Variants in TSPAN18 observed in about 807,000 individuals in gnomAD.
TSPAN18 encodes tetraspanin 18.
A neutral mutation model predicts 27.3 loss-of-function variants in TSPAN18; 14 were observed. The observed-to-expected ratio is 0.51, with a 90% CI of 0.34 to 0.80. The LOEUF (loss-of-function observed/expected upper bound fraction) is 0.80, where lower values mean the gene tolerates loss of function less well. Ranked by LOEUF, TSPAN18 falls within the 30% of genes least tolerant of loss-of-function variation. The pLI is 0.01. For missense variants in TSPAN18, 268 were observed against 323.9 expected (o/e 0.83, Z 1.32); for synonymous variants, 143 against 136.5 (o/e 1.05, Z -0.33).
intron 2 of TSPAN18, among the ~76,000 whole-genome samples, chr11:44,794,394 A>T (rs835847): frequency 6.6e-6 from 1 of 152,152 alleles, no homozygotes; most frequent in African/African-American, 2.4e-5. Context: ...CTGGCCGGGC[A>T]TGGTAGCTCA....
In TSPAN18 at chr11:44,932,421, G is replaced by A. The variant is rs1860624511; in HGVS notation, c.*3243G>A. 6.6e-6 allele frequency: 1 copy of A among 152,328 alleles called. No homozygotes were observed. The highest frequency in any genetic ancestry group is 1.5e-5 in the Non-Finnish European group (1 of 68,098). 9.4% of individuals were successfully genotyped at this position (152,328 alleles called of 1,614,324 possible). A position where few individuals can be genotyped will look rare whatever the true frequency, so the allele number is the denominator to read the frequency against. On this transcript the variant is annotated 3_prime_UTR_variant, in exon 10 of 10. Transcript: ENST00000520358. Reference sequence around the variant, plus strand: ...GGAACAAAGAATAAATAGTGACCGTGAAGAAAGGTGGTCTTGATTTGGGGT... The same window carrying A: ...GGAACAAAGAATAAATAGTGACCGTAAAGAAAGGTGGTCTTGATTTGGGGT...
chr11:44,858,811 T>C (rs1457642141), intron 2 of TSPAN18, among the ~76,000 whole-genome samples: 1 of 152,152 alleles, frequency 6.6e-6, no homozygotes, highest in African/African-American at 2.4e-5. Context: ...GCAGGAACCA[T>C]GGGCGACCCT....
chr11:44,917,043 A>G (rs1209445031), intron 5 of TSPAN18, among the ~76,000 whole-genome samples: 3 of 152,168 alleles, frequency 2.0e-5, no homozygotes, highest in Non-Finnish European at 4.4e-5. Flanking sequence ...TCATTCATCC[A>G]TGTAAGAGTC....
chr11:44,732,462 C>T (rs1854686360), intron 1 of TSPAN18, among the ~76,000 whole-genome samples: 1 of 152,146 alleles, frequency 6.6e-6, no homozygotes, highest in Non-Finnish European at 1.5e-5. Flanking sequence ...TGCTAAACCA[C>T]TGTGTTATAT....
intron 1 of TSPAN18, among the ~76,000 whole-genome samples, chr11:44,744,757 C>T (rs2134834604): frequency 6.6e-6 from 1 of 152,158 alleles, no homozygotes; most frequent in Admixed American, 6.5e-5. Context: ...TTATAGTCAC[C>T]CTGGGTATGA....
intron 2 of TSPAN18, among the ~76,000 whole-genome samples, chr11:44,821,384 A>G (rs1856925379): frequency 6.6e-6 from 1 of 152,198 alleles, no homozygotes. Context: ...GATTATTGAG[A>G]GTGGTTGACT....
At chr11:44,885,490 C>G (rs1322578222) in intron 3 of TSPAN18, among the ~76,000 whole-genome samples, 1 of 152,066 alleles carries the variant, frequency 6.6e-6, no homozygotes, top group African/African-American at 2.4e-5. Flanking sequence ...AGCTGGTGAC[C>G]GGTCCTCTGT....
intron 2 of TSPAN18, among the ~76,000 whole-genome samples, chr11:44,811,871 C>A (rs55752312): frequency 0.17 from 26,592 of 152,224 alleles, 3,157 homozygotes; most frequent in Non-Finnish European, 0.26. Flanking sequence ...CTGACAAGTT[C>A]CTTAATGAAG....
chr11:44,869,420 C>G (rs555818021), intron 3 of TSPAN18, among the ~76,000 whole-genome samples: 1 of 152,158 alleles, frequency 6.6e-6, no homozygotes, highest in Non-Finnish European at 1.5e-5. Context: ...GGTAAATACC[C>G]ACTTCTCACT....
At chr11:44,765,361 G>T (rs566062549) in intron 2 of TSPAN18, among the ~76,000 whole-genome samples, 2 of 152,208 alleles carry the variant, frequency 1.3e-5, no homozygotes, top group Non-Finnish European at 2.9e-5. Context: ...ACTCCGAGGA[G>T]ATCTGATTGC....
At chr11:44,891,247 G>A (rs905665385) in intron 3 of TSPAN18, among the ~76,000 whole-genome samples, 1 of 152,140 alleles carries the variant, frequency 6.6e-6, no homozygotes, top group Non-Finnish European at 1.5e-5. Flanking sequence ...ATTTAGGTGG[G>A]GTCCAGAGGC....
At chr11:44,901,944 T>A (rs767101852) in intron 3 of TSPAN18, among the ~76,000 whole-genome samples, 2 of 152,228 alleles carry the variant, frequency 1.3e-5, no homozygotes, top group Admixed American at 6.5e-5. Flanking sequence ...GGAGTTGGCA[T>A]GTGACTGGCC....
chr11:44,859,574 A>C (rs1857823211), intron 2 of TSPAN18: 1 of 152,212 alleles, frequency 6.6e-6, no homozygotes, highest in Non-Finnish European at 1.5e-5. Context: ...TACTGTGGGC[A>C]ACCTCCTGTT....
chr11:44,743,282 G>T (rs1014146922), intron 1 of TSPAN18, among the ~76,000 whole-genome samples: 7 of 152,322 alleles, frequency 4.6e-5, no homozygotes, highest in African/African-American at 1.7e-4. Context: ...GACATTAAAG[G>T]CAGAGCATGA....
intron 2 of TSPAN18, among the ~76,000 whole-genome samples, chr11:44,852,079 A>G (rs1033157077): frequency 2.6e-5 from 4 of 152,166 alleles, no homozygotes; most frequent in Non-Finnish European, 4.4e-5. Context: ...AATGATGAAT[A>G]TCACTTACTG....
intron 8 of TSPAN18, among the ~76,000 whole-genome samples, chr11:44,926,061 T>A (rs1194875806): frequency 6.6e-6 from 1 of 152,214 alleles, no homozygotes; most frequent in African/African-American, 2.4e-5. Flanking sequence ...GTCCAGGGCC[T>A]GTGGACTGGG....
In TSPAN18 at chr11:44,810,799, G is replaced by T. The variant is rs555648178; in HGVS notation, c.-153+46287G>T. On this transcript the variant is annotated intron_variant, in intron 2 of 9. Coordinates refer to ENST00000520358, the MANE Select transcript of TSPAN18 (RefSeq NM_130783.5). The stretch of plus-strand genomic sequence containing the variant: ...TTTTTGTTATTTTTTTGCAGGAAGG[G>T]GGTTTTGCCATGTTGCCCAGGCTAG... Among the ~76,000 whole-genome samples, 10 of 151,738 alleles carry T rather than the reference G, an allele frequency of 6.6e-5. No homozygotes were observed. The East Asian group carries it at 1.4e-3, about 21-fold the overall frequency.
rs1554938043 is a variant in TSPAN18 at position 44,908,769 on chromosome 11, G to GAAAGAAAGAAAGAAAGAAAGAA, written c.64-935_64-934insAAGAAAGAAAGAAAGAAAGAAA. ...AAGAGAGAGAGAGAGAGAGAGAAAG[G>GAAAGAAAGAAAGAAAGAAAGAA]AGAAAGAAAGAAAGAAAGAAAGAAA... On this transcript the variant is annotated intron_variant, in intron 4 of 9. Transcript: ENST00000520358. Among the ~76,000 whole-genome samples the GAAAGAAAGAAAGAAAGAAAGAA allele has an allele frequency of 2.1e-4, 15 of 71,698 alleles. 1 individual carries two copies. The highest frequency in any genetic ancestry group is 9.3e-4 in the African/African-American group (14 of 15,056). 47.0% of individuals were successfully genotyped at this position (71,698 alleles called of 152,430 possible).
Position 44,848,278 on chromosome 11 carries a change from G to A in TSPAN18, c.-152-12050G>A, listed in dbSNP as rs1029451544. Among the ~76,000 whole-genome samples, 9 of 152,240 alleles carry A rather than the reference G, an allele frequency of 5.9e-5. No individual in the cohort carries two copies. In the South Asian group the frequency reaches 6.2e-4, roughly 11 times the overall value. ...CTCTTCGAGGCGTTCAGTCCTTTGCGCACCAAAGATGGGGCAAAGTGAGCA... is the reference window on the plus strand; with the variant it reads ...CTCTTCGAGGCGTTCAGTCCTTTGCACACCAAAGATGGGGCAAAGTGAGCA... On this transcript the variant is annotated intron_variant, in intron 2 of 9. Transcript: ENST00000520358.
Sources: gnomAD v4.1 joint callset for allele counts (sites outside exome capture counted in the v4.1 genomes callset) on GRCh38, gnomAD v4.1.1 for gene constraint, MANE v1.5 for transcripts, NCBI Gene and HGNC (gene_info 2026-07-23, HGNC 2026-07-21) for gene names.